Variants in CHSY3 observed in about 807,000 individuals in gnomAD.
CHSY3 encodes the protein chondroitin sulfate synthase 3.
Under a neutral mutation model 67.2 loss-of-function variants are expected in CHSY3, and 35 were observed. That is an observed-to-expected ratio of 0.52 (90% CI 0.40 to 0.69). The LOEUF (loss-of-function observed/expected upper bound fraction) is 0.69. Among genes scored for constraint, CHSY3 ranks in the 30% least tolerant of loss-of-function variants. The probability of loss-of-function intolerance (pLI) is 0.00; values close to 1 mark genes in which losing one functional copy is unlikely to be tolerated. For synonymous variants in CHSY3, 474 were observed against 434.7 expected, an observed-to-expected ratio of 1.09 and a Z score of -1.12; for missense variants, 1,069 against 1,138.5, an observed-to-expected ratio of 0.94 and a Z score of 0.88.
intron 2 of CHSY3, among the ~76,000 whole-genome samples, chr5:130,087,210 A>C (rs1408876677): frequency 6.6e-6 from 1 of 151,718 alleles, no homozygotes; most frequent in African/African-American, 2.4e-5. Context: ...TATTGATGGG[A>C]TGTATCTCAA....
chr5:130,163,384 A>G (rs560434036), intron 2 of CHSY3, among the ~76,000 whole-genome samples: 7 of 152,282 alleles, frequency 4.6e-5, no homozygotes, highest in Non-Finnish European at 8.8e-5. Context: ...GAAGACATTT[A>G]AGCAGAAAGA....
chr5:130,141,327 G>A (rs150723356), intron 2 of CHSY3: 37 of 385,902 alleles, frequency 9.6e-5, no homozygotes, highest in African/African-American at 3.7e-4. Flanking sequence ...GACAACCAGC[G>A]TGGTGTGCTT....
intron 2 of CHSY3, among the ~76,000 whole-genome samples, chr5:130,129,540 T>A (rs1768413329): frequency 6.6e-6 from 1 of 152,210 alleles, no homozygotes; most frequent in African/African-American, 2.4e-5. Context: ...CCTTATGTGA[T>A]TATACTGTGC....
rs114225438 is a variant in CHSY3, at chr5:130,096,302, G to T, written c.1087-87927G>T. On this transcript the variant is annotated intron_variant, in intron 2 of 2. Transcript: ENST00000305031. ...GTTTTCTGCCTCAGTCTTCCGAGTAGCTGAGACTACAGGCGCATGCTACCA... is the reference window on the plus strand; with the variant it reads ...GTTTTCTGCCTCAGTCTTCCGAGTATCTGAGACTACAGGCGCATGCTACCA... Among the ~76,000 whole-genome samples, 1,467 of 152,268 alleles carry T rather than the reference G, an allele frequency of 9.6e-3. 22 individuals are homozygous for T. Among genetic ancestry groups the T allele is most frequent in the African/African-American group, 0.033 (1,391 of 41,550 alleles).
intron 2 of CHSY3, among the ~76,000 whole-genome samples, chr5:130,110,988 A>G (rs1233645833): frequency 1.3e-5 from 2 of 152,012 alleles, no homozygotes; most frequent in South Asian, 2.1e-4. Flanking sequence ...TAGCTCTTCA[A>G]CTTTCACCAA....
chr5:130,138,769 G>A (rs539549169), intron 2 of CHSY3, among the ~76,000 whole-genome samples: 1 of 152,228 alleles, frequency 6.6e-6, no homozygotes, highest in East Asian at 1.9e-4. Flanking sequence ...ATGAGATAAG[G>A]ATATATTAAC....
At chr5:130,088,902 G>T (rs1467614663) in intron 2 of CHSY3, among the ~76,000 whole-genome samples, 1 of 151,996 alleles carries the variant, frequency 6.6e-6, no homozygotes, top group Non-Finnish European at 1.5e-5. Flanking sequence ...AAATCATGCT[G>T]CTATAAAGAC....
At chr5:129,949,992 C>T (rs1426174198) in intron 2 of CHSY3, among the ~76,000 whole-genome samples, 1 of 151,876 alleles carries the variant, frequency 6.6e-6, no homozygotes, top group African/African-American at 2.4e-5. Flanking sequence ...GGTGAAACCT[C>T]ATCTCTACTA....
chr5:130,099,619 T>C (rs190155104), intron 2 of CHSY3, among the ~76,000 whole-genome samples: 1 of 152,328 alleles, frequency 6.6e-6, no homozygotes, highest in East Asian at 1.9e-4. Flanking sequence ...AAAAATGATA[T>C]TCAGAATTTC....
At chr5:130,124,039 CAAAAAAAAAAAAAA>C (rs11297427) in intron 2 of CHSY3, among the ~76,000 whole-genome samples, 2 of 58,232 alleles carry the variant, frequency 3.4e-5, no homozygotes, top group Admixed American at 2.5e-4. Context: ...GACTCCATCT[CAAAAAAAAAAAAAA>C]AAAAAAAAAA....
At chr5:129,922,263 CT>C (rs1469146215) in intron 2 of CHSY3, among the ~76,000 whole-genome samples, 1 of 152,192 alleles carries the variant, frequency 6.6e-6, no homozygotes, top group Non-Finnish European at 1.5e-5. Context: ...GATCCCATAT[CT>C]TGGCTATTGT....
intron 2 of CHSY3, among the ~76,000 whole-genome samples, chr5:130,148,235 C>A (rs1042300682): frequency 1.1e-4 from 16 of 152,156 alleles, no homozygotes; most frequent in African/African-American, 3.6e-4. Context: ...TGATCCCATT[C>A]TTTTTATGGC....
chr5:130,093,083 T>A (rs566156213), intron 2 of CHSY3, among the ~76,000 whole-genome samples: 1 of 152,344 alleles, frequency 6.6e-6, no homozygotes, highest in East Asian at 1.9e-4. Context: ...TTTATGGGTT[T>A]ATTCAAAAAA....
At chr5:130,092,761 G>A (rs1373229570) in intron 2 of CHSY3, among the ~76,000 whole-genome samples, 1 of 152,146 alleles carries the variant, frequency 6.6e-6, no homozygotes, top group East Asian at 1.9e-4. Flanking sequence ...AGAGGAGATG[G>A]GAGATCAGTC....
intron 2 of CHSY3, among the ~76,000 whole-genome samples, chr5:130,020,422 AATATATATATATAT>A (rs1174657766): frequency 0.016 from 545 of 33,352 alleles, 11 homozygotes; most frequent in African/African-American, 0.033. Context: ...TTCATCTCAA[AATATATATATATAT>A]ATATATATAT....
At chr5:130,030,276 A>G (rs954900158) in intron 2 of CHSY3, among the ~76,000 whole-genome samples, 7 of 152,138 alleles carry the variant, frequency 4.6e-5, no homozygotes, top group South Asian at 4.1e-4. Flanking sequence ...CCAGTTTTGC[A>G]CAGATTTAGA....
At chr5:130,020,312 C>T (rs867265070) in intron 2 of CHSY3, among the ~76,000 whole-genome samples, 3 of 150,842 alleles carry the variant, frequency 2.0e-5, no homozygotes, top group East Asian at 2.0e-4. Flanking sequence ...TCCAGCTACT[C>T]GGGAGGCTGA....
intron 2 of CHSY3, among the ~76,000 whole-genome samples, chr5:130,116,053 A>G (rs1165125311): frequency 1.3e-5 from 2 of 152,178 alleles, no homozygotes; most frequent in African/African-American, 4.8e-5. Flanking sequence ...AAAGTGACCA[A>G]CCTAAGTGCA....
At chr5:129,934,068 A>G (rs556053464) in intron 2 of CHSY3, among the ~76,000 whole-genome samples, 8 of 152,256 alleles carry the variant, frequency 5.3e-5, no homozygotes, top group Admixed American at 2.6e-4. Flanking sequence ...TTTGTGTGAA[A>G]TGATATTTAT....
Sources: gnomAD v4.1 joint callset for allele counts (sites outside exome capture counted in the v4.1 genomes callset) on GRCh38, gnomAD v4.1.1 for gene constraint, MANE v1.5 for transcripts, NCBI Gene and HGNC (gene_info 2026-07-23, HGNC 2026-07-21) for gene names.